The following EML6 variants were observed in gnomAD, a reference collection of about 807,000 sequenced individuals.
The protein encoded by EML6 is echinoderm microtubule-associated protein-like 6.
In EML6, 154 loss-of-function variants were observed where a neutral mutation model predicts 240.1. That is an observed-to-expected ratio of 0.64 (90% CI 0.56 to 0.73). The LOEUF is 0.73. EML6 is among the 30% of genes least tolerant of loss of function. The pLI is 0.00. For missense variants in EML6, 2,964 were observed against 2,474.6 expected, an observed-to-expected ratio of 1.20 and a Z score of -4.20; for synonymous variants, 1,148 against 899.0, an observed-to-expected ratio of 1.28 and a Z score of -4.95.
chr2:54,862,338 TAAAAAAAAAAAAAA>T (rs35834327), intron 12 of EML6, among the ~76,000 whole-genome samples: 1 of 37,698 alleles, frequency 2.7e-5, no homozygotes, highest in Non-Finnish European at 4.7e-5. Flanking sequence ...ACTCCATCTC[TAAAAAAAAAAAAAA>T]AAAAAAAAAA....
intron 7 of EML6, among the ~76,000 whole-genome samples, chr2:54,836,494 G>A (rs1274450859): frequency 1.3e-5 from 2 of 152,196 alleles, no homozygotes; most frequent in African/African-American, 4.8e-5. Flanking sequence ...GTGAACAGGA[G>A]CAGCAGGTCA....
In EML6 at chr2:54,879,679, C is replaced by A. The variant is rs764026418; in HGVS notation, c.2438+39C>A. ...GGGATCTTACGGTATCCTGCTGATA[C>A]CACGGTTCAGTAAAGGTCAATAGTT... On this transcript the variant is annotated intron_variant, in intron 17 of 41. Transcript: ENST00000356458. 6 of 1,211,790 alleles carry A rather than the reference C, an allele frequency of 5.0e-6. No individual in the cohort carries two copies. In the South Asian group the frequency reaches 7.9e-5, roughly 16 times the overall value. 75.1% of individuals were successfully genotyped at this position (1,211,790 alleles called of 1,614,324 possible).
chr2:54,821,866 A>G (rs1217318224), intron 5 of EML6, among the ~76,000 whole-genome samples: 1 of 152,148 alleles, frequency 6.6e-6, no homozygotes, highest in East Asian at 1.9e-4. Flanking sequence ...AACTAGAGGA[A>G]TATATAGGCA....
At chr2:54,930,355 C>T (rs4399760) in intron 28 of EML6, among the ~76,000 whole-genome samples, 1 of 151,992 alleles carries the variant, frequency 6.6e-6, no homozygotes. Context: ...AATCTGTCAA[C>T]ATTTCGTACT....
chr2:54,758,014 G>C (rs1667815063), intron 2 of EML6, among the ~76,000 whole-genome samples: 1 of 151,402 alleles, frequency 6.6e-6, no homozygotes, highest in African/African-American at 2.4e-5. Flanking sequence ...ATAGATAAAT[G>C]CTTTAAAACT....
intron 2 of EML6, among the ~76,000 whole-genome samples, chr2:54,802,035 C>T (rs768225483): frequency 6.6e-6 from 1 of 152,174 alleles, no homozygotes; most frequent in African/African-American, 2.4e-5. Flanking sequence ...ATGTCTGAAG[C>T]TATACATGTC....
intron 7 of EML6, among the ~76,000 whole-genome samples, chr2:54,836,962 C>T (rs972483873): frequency 6.6e-6 from 1 of 152,266 alleles, no homozygotes; most frequent in Non-Finnish European, 1.5e-5. Flanking sequence ...GATCCAGGCT[C>T]CCTAGGTGGC....
At chr2:54,854,599 ACT>A (rs1254898154) in intron 11 of EML6, among the ~76,000 whole-genome samples, 3 of 152,052 alleles carry the variant, frequency 2.0e-5, no homozygotes, top group Non-Finnish European at 4.4e-5. Context: ...CTGCCTGAAA[ACT>A]CTTTCACTTG....
intron 31 of EML6, among the ~76,000 whole-genome samples, chr2:54,953,115 C>T (rs532805444): frequency 9.9e-5 from 15 of 152,270 alleles, no homozygotes; most frequent in Non-Finnish European, 2.1e-4. Context: ...TTTGTTTTCA[C>T]TTAGTCATCT....
At chr2:54,819,172 A>C (rs1668211778) in intron 4 of EML6, among the ~76,000 whole-genome samples, 1 of 152,114 alleles carries the variant, frequency 6.6e-6, no homozygotes, top group South Asian at 2.1e-4. Flanking sequence ...TATGTGATGA[A>C]AAGTTAGTGG....
chr2:54,879,850 C>G (rs1293478941), intron 17 of EML6: 6 of 558,738 alleles, frequency 1.1e-5, no homozygotes, highest in Non-Finnish European at 1.6e-5. Flanking sequence ...TCAGAAAATT[C>G]CGAAATCCTC....
intron 28 of EML6, among the ~76,000 whole-genome samples, chr2:54,948,486 T>G (rs900793953): frequency 1.3e-5 from 2 of 152,200 alleles, no homozygotes; most frequent in African/African-American, 4.8e-5. Flanking sequence ...AGCACATCCC[T>G]GTCTGAAAAA....
intron 2 of EML6, among the ~76,000 whole-genome samples, chr2:54,788,498 AAC>A (rs2103886455): frequency 6.6e-6 from 1 of 152,304 alleles, no homozygotes; most frequent in African/African-American, 2.4e-5. Flanking sequence ...TTCTGTGAGA[AAC>A]ACTATAAACA....
In EML6 at chr2:54,962,849, C is replaced by G. The variant is rs1322313061; in HGVS notation, c.5157+138C>G. On this transcript the variant is annotated intron_variant, in intron 36 of 41. Coordinates refer to ENST00000356458, the MANE Select transcript of EML6 (RefSeq NM_001039753.4). ...TAGGAGATCGAGTTAGAAAACCTAACGATAAAAGAAGCCCCACTCACCACA... is the reference window on the plus strand; with the variant it reads ...TAGGAGATCGAGTTAGAAAACCTAAGGATAAAAGAAGCCCCACTCACCACA... 4.0e-5 allele frequency: 23 copies of G among 573,592 alleles called. No individual in the cohort carries two copies. The East Asian group carries it at 7.3e-4, about 18-fold the overall frequency. 35.5% of individuals were successfully genotyped at this position (573,592 alleles called of 1,614,324 possible). A position where few individuals can be genotyped will look rare whatever the true frequency, so the allele number is the denominator to read the frequency against.
At chr2:54,810,738 A>C (rs1196209272) in intron 2 of EML6, among the ~76,000 whole-genome samples, 1 of 151,994 alleles carries the variant, frequency 6.6e-6, no homozygotes, top group Non-Finnish European at 1.5e-5. Context: ...GTTAATGCCT[A>C]CTCTGCTGTA....
At chr2:54,862,329 C>T (rs1225788346) in intron 12 of EML6, among the ~76,000 whole-genome samples, 1 of 119,748 alleles carries the variant, frequency 8.4e-6, no homozygotes, top group Non-Finnish European at 1.6e-5. Flanking sequence ...CATAACATGA[C>T]TCCATCTCTA....
chr2:54,744,945 CA>C lies in EML6; in HGVS notation c.197+19688del, dbSNP rs1558520991. Reference sequence around the variant, plus strand: ...ACACACACACACACACACACACACACACACACACACACACACACCCTGCCAT... The same window carrying C: ...ACACACACACACACACACACACACACCACACACACACACACACCCTGCCAT... On this transcript the variant is annotated intron_variant, in intron 2 of 41. Coordinates refer to ENST00000356458, the MANE Select transcript of EML6 (RefSeq NM_001039753.4). Among the ~76,000 whole-genome samples, 1,102 of 148,984 alleles carry C rather than the reference CA, an allele frequency of 7.4e-3. 10 individuals carry two copies. The highest frequency in any genetic ancestry group is 9.3e-3 in the South Asian group (44 of 4,716).
chr2:54,956,839 G>A (rs1367499216), intron 32 of EML6, among the ~76,000 whole-genome samples: 1 of 152,144 alleles, frequency 6.6e-6, no homozygotes, highest in African/African-American at 2.4e-5. Flanking sequence ...AACATTCAGA[G>A]TAAGTTAAAG....
chr2:54,853,999 A>G (rs1670235060), intron 11 of EML6, 144 bp downstream of exon 11: 1 of 505,516 alleles, frequency 2.0e-6, no homozygotes, highest in Non-Finnish European at 3.3e-6. Context: ...ACAATTTTAA[A>G]TAGAATGTGT....
Sources: allele counts gnomAD v4.1 joint callset (sites outside exome capture counted in the v4.1 genomes callset), GRCh38; gene constraint gnomAD v4.1.1; transcripts MANE v1.5; gene names NCBI Gene and HGNC (gene_info 2026-07-23, HGNC 2026-07-21).